Variants in CDH9 observed in about 807,000 individuals in gnomAD.
The protein encoded by CDH9 is cadherin 9, also known as cadherin-9.
A neutral mutation model predicts 70.9 loss-of-function variants in CDH9; 28 were observed. That is an observed-to-expected ratio of 0.40 (90% confidence interval 0.29 to 0.54). The LOEUF is 0.54. CDH9 is among the 20% of genes least tolerant of loss of function. The pLI, the probability that CDH9 is intolerant of heterozygous loss-of-function variation, is 0.59. For synonymous variants in CDH9, 409 were observed against 343.1 expected, an observed-to-expected ratio of 1.19 and a Z score of -2.12; for missense variants, 874 against 984.4, an observed-to-expected ratio of 0.89 and a Z score of 1.50.
chr5:27,000,921 A>G (rs1345192581), intron 1 of CDH9, among the ~76,000 whole-genome samples: 1 of 152,124 alleles, frequency 6.6e-6, no homozygotes, highest in Non-Finnish European at 1.5e-5. Flanking sequence ...AAAACTTTGC[A>G]TATAGTAAAA....
At chr5:26,895,792 A>G (rs1740739371) in intron 7 of CDH9, among the ~76,000 whole-genome samples, 1 of 152,042 alleles carries the variant, frequency 6.6e-6, no homozygotes, top group South Asian at 2.1e-4. Context: ...TTTCCCTGGA[A>G]AAATGTTTCT....
intron 11 of CDH9, among the ~76,000 whole-genome samples, chr5:26,884,733 C>T (rs183540955): frequency 2.0e-5 from 3 of 152,250 alleles, no homozygotes; most frequent in East Asian, 3.9e-4. Flanking sequence ...CTAGCACATA[C>T]GAGCATTAGA....
intron 1 of CDH9, among the ~76,000 whole-genome samples, chr5:26,996,080 G>A (rs1338915575): frequency 3.3e-5 from 5 of 151,860 alleles, no homozygotes; most frequent in Admixed American, 6.6e-5. Context: ...ATTAAATTAT[G>A]TGCTTTCTCC....
intron 7 of CDH9, among the ~76,000 whole-genome samples, chr5:26,899,176 G>A (rs1740806960): frequency 7.4e-6 from 1 of 135,780 alleles, no homozygotes; most frequent in Non-Finnish European, 1.6e-5. Context: ...AGCAAAAGAC[G>A]CTGGAGAGTA....
chr5:27,006,391 T>A (rs1742865833), intron 1 of CDH9, among the ~76,000 whole-genome samples: 1 of 152,020 alleles, frequency 6.6e-6, no homozygotes, highest in Non-Finnish European at 1.5e-5. Context: ...TGGGTTGGGT[T>A]TAGCCAGTGT....
chr5:27,024,995 A>T (rs1743198004), intron 1 of CDH9, among the ~76,000 whole-genome samples: 1 of 152,138 alleles, frequency 6.6e-6, no homozygotes, highest in Non-Finnish European at 1.5e-5. Context: ...ATAATAATTT[A>T]GCAAAACAGG....
chr5:26,993,754 T>C lies in CDH9; in HGVS notation c.-49-5372A>G, dbSNP rs1742620801. 2.2e-5 allele frequency among the ~76,000 whole-genome samples: 3 copies of C among 138,050 alleles called. No individual in the cohort carries two copies. The South Asian group carries it at 7.2e-4, about 33-fold the overall frequency. The allele number at this position is 138,050 out of a possible 152,430, so 90.6% of individuals were successfully genotyped here. A position where few individuals can be genotyped will look rare whatever the true frequency, so the allele number is the denominator to read the frequency against. On this transcript the variant is annotated intron_variant, in intron 1 of 11. Coordinates refer to ENST00000231021, the MANE Select transcript of CDH9 (RefSeq NM_016279.4). ...TTATTCAAGACAAGAGAAGAATGACTCGAAAGATAATTCAGGTATGTGTTG... is the reference window on the plus strand; with the variant it reads ...TTATTCAAGACAAGAGAAGAATGACCCGAAAGATAATTCAGGTATGTGTTG...
chr5:26,899,336 T>C (rs559033457), intron 7 of CDH9, among the ~76,000 whole-genome samples: 5 of 152,250 alleles, frequency 3.3e-5, no homozygotes, highest in South Asian at 4.1e-4. Flanking sequence ...ACCCCAAGGA[T>C]TATAAATCAT....
intron 2 of CDH9, among the ~76,000 whole-genome samples, chr5:26,984,370 G>GA (rs1742454907): frequency 6.6e-6 from 1 of 152,078 alleles, no homozygotes; most frequent in Admixed American, 6.6e-5. Flanking sequence ...TCACAATTGT[G>GA]AAAAATAAAC....
At chr5:26,944,487 C>G (rs1741714123) in intron 2 of CDH9, among the ~76,000 whole-genome samples, 1 of 151,968 alleles carries the variant, frequency 6.6e-6, no homozygotes, top group Non-Finnish European at 1.5e-5. Context: ...CCGTTTCCCC[C>G]CAAACTTTTA....
intron 1 of CDH9, among the ~76,000 whole-genome samples, chr5:27,023,216 T>A (rs1561044200): frequency 6.6e-6 from 1 of 152,088 alleles, no homozygotes; most frequent in Non-Finnish European, 1.5e-5. Context: ...TTCCACCACA[T>A]ACAATTTGGG....
rs540259399 is a variant in CDH9, at chr5:26,889,908, A to G, written c.1440T>C (p.Asp480=). The G allele has an allele frequency of 1.2e-6, 2 of 1,605,768 alleles. No homozygotes were observed. Among genetic ancestry groups the G allele is most frequent in the African/African-American group, 2.7e-5 (2 of 74,750 alleles). Residue 480 remains aspartate (D), a synonymous_variant, in exon 9 of 12, where the codon GAT becomes GAC. Transcript: ENST00000231021. The stretch of plus-strand genomic sequence containing the variant: ...CAAATTCCGGAGCATGGTCATTTAT[A>G]TCTAGAATTCTGATGAAGACAGGGA... The part of the protein sequence containing the change: ...SHIPVFIRIL[D]INDHAPEFAM...
At chr5:26,926,756 A>G (rs1741346884) in intron 2 of CDH9, among the ~76,000 whole-genome samples, 1 of 152,022 alleles carries the variant, frequency 6.6e-6, no homozygotes, top group Admixed American at 6.6e-5. Flanking sequence ...TAAATAGACC[A>G]ACGGAACAGA....
chr5:26,974,656 T>G (rs1401389506), intron 2 of CDH9, among the ~76,000 whole-genome samples: 3 of 152,316 alleles, frequency 2.0e-5, no homozygotes, highest in Non-Finnish European at 4.4e-5. Context: ...GAGTGTTAAT[T>G]TATTTTGATT....
chr5:26,945,856 G>A (rs1159444205), intron 2 of CDH9, among the ~76,000 whole-genome samples: 1 of 152,140 alleles, frequency 6.6e-6, no homozygotes, highest in Non-Finnish European at 1.5e-5. Context: ...CAGATAATCA[G>A]CAGGCTTGCT....
intron 1 of CDH9, among the ~76,000 whole-genome samples, chr5:27,018,575 A>C (rs1204292473): frequency 1.3e-5 from 2 of 152,002 alleles, no homozygotes; most frequent in African/African-American, 4.8e-5. Context: ...TACGCTTTTT[A>C]ATGGAGACAT....
chr5:26,948,314 T>C (rs1741788094), intron 2 of CDH9, among the ~76,000 whole-genome samples: 1 of 152,210 alleles, frequency 6.6e-6, no homozygotes, highest in Non-Finnish European at 1.5e-5. Flanking sequence ...ATTTGCGGCT[T>C]AGCCAATTAC....
In CDH9 at chr5:26,881,342, C is replaced by A; in HGVS notation, c.2164G>T (p.Glu722Ter). The A allele has an allele frequency of 6.2e-7, 1 of 1,611,360 alleles. No homozygotes were observed. The highest frequency in any genetic ancestry group is 1.1e-5 in the South Asian group (1 of 91,016). Residue 722 changes from glutamate (E) to a stop codon, truncating the protein, a stop_gained, in exon 12 of 12, where the codon GAA becomes TAA. Coordinates refer to ENST00000231021, the MANE Select transcript of CDH9 (RefSeq NM_016279.4). LOFTEE classifies it high-confidence loss of function. ...GGTGCACTTGGGTCTGCGTCGTTTTCTTTTAATCTTCGATGGATAAAATCT... is the reference window on the plus strand; with the variant it reads ...GGTGCACTTGGGTCTGCGTCGTTTTATTTTAATCTTCGATGGATAAAATCT... ...VQDFIHRRLK[E>*]NDADPSAPPY...
At chr5:27,033,140 T>C (rs1743336852) in intron 1 of CDH9, among the ~76,000 whole-genome samples, 1 of 151,314 alleles carries the variant, frequency 6.6e-6, no homozygotes, top group South Asian at 2.1e-4. Flanking sequence ...CCATTGTAGA[T>C]GGACTATAAT....
Sources: allele counts gnomAD v4.1 joint callset (sites outside exome capture counted in the v4.1 genomes callset), GRCh38; gene constraint gnomAD v4.1.1; transcripts MANE v1.5; gene names NCBI Gene and HGNC (gene_info 2026-07-23, HGNC 2026-07-21).